Variants in TAFA5 observed in about 807,000 individuals in gnomAD.
TAFA5 encodes chemokine-like protein TAFA-5.
In TAFA5, 6 loss-of-function variants were observed where a neutral mutation model predicts 15.3. That is an observed-to-expected ratio of 0.39 (90% CI 0.21 to 0.77). The LOEUF is 0.77. Among genes scored for constraint, TAFA5 ranks in the 30% least tolerant of loss-of-function variants. The pLI is 0.41. For synonymous variants in TAFA5, 103 were observed against 80.7 expected, an observed-to-expected ratio of 1.28 and a Z score of -1.48; for missense variants, 161 against 193.1, an observed-to-expected ratio of 0.83 and a Z score of 0.98.
chr22:48,608,904 G>A (rs932143039), intron 1 of TAFA5, among the ~76,000 whole-genome samples: 1 of 152,242 alleles, frequency 6.6e-6, no homozygotes, highest in Non-Finnish European at 1.5e-5. Flanking sequence ...GTGCTGTAGC[G>A]GAATAGGGCC....
At chr22:48,693,700 A>T (rs1417321519) in intron 2 of TAFA5, among the ~76,000 whole-genome samples, 1 of 151,886 alleles carries the variant, frequency 6.6e-6, no homozygotes, top group Non-Finnish European at 1.5e-5. Context: ...TCCAGGCCTC[A>T]TTCCTACTCT....
chr22:48,558,900 A>T (rs1038276372), intron 1 of TAFA5, among the ~76,000 whole-genome samples: 9 of 152,206 alleles, frequency 5.9e-5, no homozygotes, highest in African/African-American at 1.7e-4. Flanking sequence ...GAGTGAGAGA[A>T]TAGGAGCATG....
intron 1 of TAFA5, among the ~76,000 whole-genome samples, chr22:48,496,492 G>A (rs913898348): frequency 6.6e-6 from 1 of 152,200 alleles, no homozygotes; most frequent in Non-Finnish European, 1.5e-5. Flanking sequence ...TCACGTGGAT[G>A]TGGAAACCCT....
chr22:48,674,066 C>T (rs1490250393), intron 2 of TAFA5, among the ~76,000 whole-genome samples: 1 of 152,156 alleles, frequency 6.6e-6, no homozygotes, highest in East Asian at 1.9e-4. Flanking sequence ...CTGCCCGCCT[C>T]ACATCTGGAC....
intron 1 of TAFA5, among the ~76,000 whole-genome samples, chr22:48,604,673 C>G (rs1315923254): frequency 6.6e-6 from 1 of 152,190 alleles, no homozygotes; most frequent in East Asian, 1.9e-4. Context: ...CCCCAGCTAG[C>G]TTGTGGTGCC....
chr22:48,699,852 G>C (rs1362178072), intron 2 of TAFA5, among the ~76,000 whole-genome samples: 2 of 152,200 alleles, frequency 1.3e-5, no homozygotes, highest in Admixed American at 6.5e-5. Flanking sequence ...CGGGGAGAGG[G>C]AAGGCGGGAA....
At chr22:48,520,480 C>G (rs1037095053) in intron 1 of TAFA5, among the ~76,000 whole-genome samples, 1 of 152,260 alleles carries the variant, frequency 6.6e-6, no homozygotes, top group African/African-American at 2.4e-5. Flanking sequence ...CAACTGCCAT[C>G]TGATTCTGCA....
At chr22:48,544,703 G>C in intron 1 of TAFA5, 1 of 471,342 alleles carries the variant, frequency 2.1e-6, no homozygotes, top group South Asian at 1.5e-5. Flanking sequence ...CGTGCCCGCA[G>C]ATGAGGGTGC....
At chr22:48,667,668 A>G in intron 2 of TAFA5, among the ~76,000 whole-genome samples, 1 of 152,186 alleles carries the variant, frequency 6.6e-6, no homozygotes, top group Non-Finnish European at 1.5e-5. Context: ...CCCTGGCAAA[A>G]ATAATCGGCT....
intron 3 of TAFA5, among the ~76,000 whole-genome samples, chr22:48,709,947 A>C (rs1338297565): frequency 6.6e-6 from 1 of 152,146 alleles, no homozygotes; most frequent in Non-Finnish European, 1.5e-5. Context: ...GTTTTTGGTA[A>C]TTTATTGGGC....
At chr22:48,516,154 G>C (rs551701829) in intron 1 of TAFA5, among the ~76,000 whole-genome samples, 9 of 152,242 alleles carry the variant, frequency 5.9e-5, no homozygotes, top group African/African-American at 2.2e-4. Flanking sequence ...TTTATGACGC[G>C]CTACCCAAAG....
intron 1 of TAFA5, among the ~76,000 whole-genome samples, chr22:48,610,674 C>T (rs374289060): frequency 5.3e-5 from 8 of 152,000 alleles, no homozygotes; most frequent in African/African-American, 1.9e-4. Flanking sequence ...AGCGTTGGGC[C>T]GTGTGATTTC....
intron 2 of TAFA5, among the ~76,000 whole-genome samples, chr22:48,684,284 T>C (rs1314751994): frequency 2.6e-5 from 4 of 151,964 alleles, no homozygotes; most frequent in African/African-American, 9.7e-5. Flanking sequence ...TTGGAGGCTT[T>C]GTGGGGTAGA....
At chr22:48,632,380 G>A (rs1926263371) in intron 1 of TAFA5, among the ~76,000 whole-genome samples, 1 of 152,200 alleles carries the variant, frequency 6.6e-6, no homozygotes, top group Non-Finnish European at 1.5e-5. Flanking sequence ...GTCTTATAGA[G>A]TAAGAAACCA....
intron 2 of TAFA5, among the ~76,000 whole-genome samples, chr22:48,699,359 A>G (rs562488181): frequency 6.6e-6 from 1 of 152,310 alleles, no homozygotes; most frequent in South Asian, 2.1e-4. Flanking sequence ...GGAATAAACC[A>G]AATAAACTGA....
intron 1 of TAFA5, among the ~76,000 whole-genome samples, chr22:48,596,708 TTTGGACCCACG>T (rs979784243): frequency 6.6e-6 from 1 of 152,044 alleles, no homozygotes; most frequent in Non-Finnish European, 1.5e-5. Flanking sequence ...ATTCTGTGGG[TTTGGACCCACG>T]TATCGTGACG....
chr22:48,689,240 C>T (rs1333902060), intron 2 of TAFA5, among the ~76,000 whole-genome samples: 1 of 152,148 alleles, frequency 6.6e-6, no homozygotes, highest in Non-Finnish European at 1.5e-5. Context: ...ACGCCGTATG[C>T]AGCGGGGAGT....
At chr22:48,645,989 A>AG (rs1412112119) in intron 1 of TAFA5, among the ~76,000 whole-genome samples, 4 of 152,104 alleles carry the variant, frequency 2.6e-5, no homozygotes, top group Non-Finnish European at 5.9e-5. Flanking sequence ...GCGCTGTGGG[A>AG]GGGCGGAGGA....
intron 1 of TAFA5, among the ~76,000 whole-genome samples, chr22:48,513,157 G>A (rs6007877): frequency 2.0e-5 from 3 of 151,834 alleles, no homozygotes; most frequent in South Asian, 4.1e-4. Context: ...TGGGACCCTC[G>A]GTAACCCTAA....
Sources: allele counts gnomAD v4.1 joint callset (sites outside exome capture counted in the v4.1 genomes callset), GRCh38; gene constraint gnomAD v4.1.1; transcripts MANE v1.5; gene names NCBI Gene and HGNC (gene_info 2026-07-23, HGNC 2026-07-21).